Variants in ROS1 observed in about 807,000 individuals in gnomAD.
The protein encoded by ROS1 is proto-oncogene tyrosine-protein kinase ROS.
In ROS1, 263 loss-of-function variants were observed where a neutral mutation model predicts 273.5. The observed-to-expected ratio is 0.96, with a 90% confidence interval of 0.87 to 1.06. The LOEUF (loss-of-function observed/expected upper bound fraction) is 1.06. Among genes scored for constraint, ROS1 ranks in the 50% least tolerant of loss-of-function variants. The pLI is 0.00. For missense variants in ROS1, 2,833 were observed against 2,751.1 expected (o/e 1.03, Z -0.67); for synonymous variants, 1,008 against 954.1 (o/e 1.06, Z -1.04).
chr6:117,380,645 C>A (rs979289837), intron 17 of ROS1, among the ~76,000 whole-genome samples: 3 of 152,034 alleles, frequency 2.0e-5, no homozygotes, highest in African/African-American at 7.2e-5. Context: ...ATACAACAAA[C>A]TATTCAAACT....
chr6:117,319,696 A>G lies in ROS1; in HGVS notation c.5922+172T>C, dbSNP rs117045105. Reference sequence around the variant, plus strand: ...ATTGTTGATTACAAACAATGTTCCTATGTAGGAAATGATTTTTTTTAAATG... The same window carrying G: ...ATTGTTGATTACAAACAATGTTCCTGTGTAGGAAATGATTTTTTTTAAATG... On this transcript the variant is annotated intron_variant, in intron 37 of 43. Coordinates refer to ENST00000368507, the MANE Select transcript of ROS1 (RefSeq NM_001378902.1). Among the ~76,000 whole-genome samples the G allele has an allele frequency of 4.4e-3, 664 of 152,276 alleles. 1 individual carries two copies. The highest frequency in any genetic ancestry group is 7.4e-3 in the Non-Finnish European group (501 of 68,006).
intron 1 of ROS1, among the ~76,000 whole-genome samples, chr6:117,420,105 T>C (rs907693373): frequency 1.3e-5 from 2 of 152,048 alleles, no homozygotes; most frequent in Non-Finnish European, 2.9e-5. Context: ...ATTAACCTCA[T>C]TTTACAGCTG....
At chr6:117,362,003 A>G (rs1215519748) in intron 22 of ROS1, among the ~76,000 whole-genome samples, 1 of 152,202 alleles carries the variant, frequency 6.6e-6, no homozygotes, top group African/African-American at 2.4e-5. Context: ...TATCAAAATA[A>G]CACATGTACC....
intron 42 of ROS1, among the ~76,000 whole-genome samples, chr6:117,302,932 C>A (rs2128539806): frequency 6.6e-6 from 1 of 152,290 alleles, no homozygotes; most frequent in Non-Finnish European, 1.5e-5. Context: ...AGTATCTTCA[C>A]CCTCCCGCCT....
chr6:117,425,739 A>C lies in ROS1; in HGVS notation c.-83T>G. ...TGAATTATTTGGGCTTCATCACTTC[A>C]ATTGGAGGAGTAGCTGATGGATTTT... On this transcript the variant is annotated 5_prime_UTR_variant, in exon 1 of 44. The change creates a new upstream start codon in the 5' untranslated region. Transcript: ENST00000368507. 6.9e-7 allele frequency: 1 copy of C among 1,439,038 alleles called. No homozygotes were observed. The highest frequency in any genetic ancestry group is 1.9e-5 in the Admixed American group (1 of 53,060). 89.1% of individuals were successfully genotyped at this position (1,439,038 alleles called of 1,614,324 possible). A position where few individuals can be genotyped will look rare whatever the true frequency, so the allele number is the denominator to read the frequency against.
intron 2 of ROS1, among the ~76,000 whole-genome samples, chr6:117,417,659 C>T (rs1315602477): frequency 6.6e-6 from 1 of 152,112 alleles, no homozygotes; most frequent in East Asian, 1.9e-4. Flanking sequence ...ATGGGTCTTC[C>T]ACTTCCCTAC....
At chr6:117,359,628 T>C (rs1382526583) in intron 24 of ROS1, among the ~76,000 whole-genome samples, 181 bp downstream of exon 24, 2 of 152,206 alleles carry the variant, frequency 1.3e-5, no homozygotes, top group Non-Finnish European at 2.9e-5. Flanking sequence ...TAACTGAGTG[T>C]TGAATGACAT....
In ROS1 at chr6:117,342,397, T is replaced by C. The variant is rs1440360991; in HGVS notation, c.4651+3A>G. On this transcript the variant is annotated splice_donor_region_variant and intron_variant, in intron 29 of 43. Transcript: ENST00000368507. ...AGAAACCCACAACAAGCCCATAACT[T>C]ACCTCCATTTTTAGTTTTTCCCCAA... is the stretch of plus-strand genomic sequence containing the variant. The C allele has an allele frequency of 2.5e-6, 4 of 1,611,716 alleles. No individual in the cohort carries two copies. The Admixed American group carries it at 6.7e-5, about 27-fold the overall frequency.
chr6:117,302,018 T>C (rs915606458), intron 42 of ROS1, among the ~76,000 whole-genome samples: 1 of 152,234 alleles, frequency 6.6e-6, no homozygotes, highest in Non-Finnish European at 1.5e-5. Flanking sequence ...GCTAGGGACA[T>C]GGCCATGTGA....
intron 1 of ROS1, among the ~76,000 whole-genome samples, chr6:117,421,196 A>G (rs1273502809): frequency 6.8e-6 from 1 of 148,082 alleles, no homozygotes; most frequent in Non-Finnish European, 1.5e-5. Flanking sequence ...GAATATATGA[A>G]TTGGAATACA....
chr6:117,400,713 C>T lies in ROS1; in HGVS notation c.604+2426G>A, dbSNP rs542401639. ...TCTCCTTCTCCATGTCCTTTGCTGT[C>T]CCTCTTCTTCTTCCCAGCCACCAAA... On this transcript the variant is annotated intron_variant, in intron 7 of 43. Coordinates refer to ENST00000368507, the MANE Select transcript of ROS1 (RefSeq NM_001378902.1). 6.6e-5 allele frequency among the ~76,000 whole-genome samples: 10 copies of T among 152,176 alleles called. No homozygotes were observed. In the East Asian group the frequency reaches 1.9e-3, roughly 29 times the overall value.
intron 18 of ROS1, among the ~76,000 whole-genome samples, chr6:117,376,711 G>C (rs958558466): frequency 2.0e-5 from 3 of 151,402 alleles, no homozygotes; most frequent in African/African-American, 7.3e-5. Flanking sequence ...TAAAAGATAT[G>C]TTAGACATCT....
intron 27 of ROS1, among the ~76,000 whole-genome samples, chr6:117,349,029 A>G (rs563392697): frequency 1.3e-5 from 2 of 152,116 alleles, no homozygotes; most frequent in South Asian, 4.1e-4. Context: ...GAGCTTGAGA[A>G]GAATGTTTAT....
At chr6:117,352,164 T>C (rs1778922042) in intron 27 of ROS1, among the ~76,000 whole-genome samples, 1 of 152,210 alleles carries the variant, frequency 6.6e-6, no homozygotes, top group Admixed American at 6.5e-5. Flanking sequence ...CACTGCAAGC[T>C]CCGCCTCCCA....
At chr6:117,292,717 A>G (rs938071538) in intron 43 of ROS1, among the ~76,000 whole-genome samples, 1 of 152,138 alleles carries the variant, frequency 6.6e-6, no homozygotes, top group Non-Finnish European at 1.5e-5. Flanking sequence ...AACTCAAACC[A>G]AACATATGCA....
At chr6:117,412,142 T>C (rs1774964049) in intron 4 of ROS1, among the ~76,000 whole-genome samples, 1 of 152,018 alleles carries the variant, frequency 6.6e-6, no homozygotes, top group South Asian at 2.1e-4. Context: ...GGGGAGAGTA[T>C]GAGATGAAGT....
Position 117,379,262 on chromosome 6 carries a change from T to A in ROS1, c.2482-103A>T, listed in dbSNP as rs1391465431. 5 of 659,744 alleles carry A rather than the reference T, an allele frequency of 7.6e-6. No individual in the cohort carries two copies. In the African/African-American group the frequency reaches 9.1e-5, roughly 12 times the overall value. 40.9% of individuals were successfully genotyped at this position (659,744 alleles called of 1,614,324 possible). ...TATAGATTTCTCTTTAACATCCTCT[T>A]TGGAATAATAAATTCAGTAATTTTT... On this transcript the variant is annotated intron_variant, in intron 17 of 43. Transcript: ENST00000368507.
chr6:117,309,977 C>T, intron 41 of ROS1, 104 bp downstream of exon 41: 1 of 997,614 alleles, frequency 1.0e-6, no homozygotes, highest in Non-Finnish European at 1.5e-6. Context: ...TCTCTCTGGT[C>T]TTCTGTTTTC....
chr6:117,322,573 G>A (rs372276510), intron 35 of ROS1, among the ~76,000 whole-genome samples: 125 of 152,222 alleles, frequency 8.2e-4, no homozygotes, highest in African/African-American at 2.8e-3. Context: ...CCTACTCCCA[G>A]CAGAAGGCTA....
Sources: allele counts gnomAD v4.1 joint callset (sites outside exome capture counted in the v4.1 genomes callset), GRCh38; gene constraint gnomAD v4.1.1; transcripts MANE v1.5; gene names NCBI Gene and HGNC (gene_info 2026-07-23, HGNC 2026-07-21).